CD44: variants seen among roughly 807,000 people sequenced by gnomAD.
The protein encoded by CD44 is CD44 antigen.
CD44 carries 49 observed loss-of-function variants against 88.8 expected under a neutral mutation model. The observed-to-expected ratio is 0.55, with a 90% CI of 0.44 to 0.70. The LOEUF is 0.70. CD44 is among the 30% of genes least tolerant of loss of function. CD44 has a pLI of 0.00. For synonymous variants in CD44, 325 were observed against 312.3 expected (o/e 1.04, Z -0.43); for missense variants, 883 against 913.8 (o/e 0.97, Z 0.43).
chr11:35,209,961 A>G lies in CD44; in HGVS notation c.1517-4A>G, dbSNP rs779254118. 3.8e-6 allele frequency: 6 copies of G among 1,560,796 alleles called. No individual in the cohort carries two copies. The highest frequency in any genetic ancestry group is 3.3e-4 in the Middle Eastern group (2 of 5,980). ...AACACTGGATTCATTCCTCATTGAA[A>G]CAGAGCAGAGTAATTCTCAGAGCTT... is the stretch of plus-strand genomic sequence containing the variant. On this transcript the variant is annotated splice_region_variant and splice_polypyrimidine_tract_variant and intron_variant, in intron 12 of 17. Transcript: ENST00000428726.
intron 17 of CD44, among the ~76,000 whole-genome samples, chr11:35,224,250 T>C (rs1019135598): frequency 6.6e-6 from 1 of 152,208 alleles, no homozygotes. Flanking sequence ...CTATTACTTC[T>C]TTAGGTTTTT....
At chr11:35,219,610 G>A (rs1300225340) in intron 16 of CD44, among the ~76,000 whole-genome samples, 1 of 152,188 alleles carries the variant, frequency 6.6e-6, no homozygotes. Context: ...AACTAGCTGA[G>A]CTCATACTCA....
chr11:35,175,497 A>G lies in CD44; in HGVS notation c.68-1078A>G, dbSNP rs1944357016. 2.6e-5 allele frequency among the ~76,000 whole-genome samples: 4 copies of G among 152,232 alleles called. No individual in the cohort carries two copies. The South Asian group carries it at 8.3e-4, about 32-fold the overall frequency. On this transcript the variant is annotated intron_variant, in intron 1 of 17. Transcript: ENST00000428726. ...GTGTATATAGATACATACTTTATGT[A>G]TATATGCATAAAGTACGTGTGTGCA...
intron 1 of CD44, among the ~76,000 whole-genome samples, chr11:35,165,579 A>G (rs925588552): frequency 6.6e-6 from 1 of 152,178 alleles, no homozygotes; most frequent in African/African-American, 2.4e-5. Context: ...TGGAGCCCCA[A>G]TGTGTCTTAA....
chr11:35,180,995 G>A (rs980483213), intron 3 of CD44, among the ~76,000 whole-genome samples: 2 of 152,198 alleles, frequency 1.3e-5, no homozygotes, highest in Non-Finnish European at 2.9e-5. Flanking sequence ...TGCTCAGAAG[G>A]GAGAATGCCA....
chr11:35,178,787 G>T (rs185958784), intron 2 of CD44, among the ~76,000 whole-genome samples: 1 of 152,252 alleles, frequency 6.6e-6, no homozygotes, highest in East Asian at 1.9e-4. Flanking sequence ...TGGTGGGTAG[G>T]TTCACCAAGA....
At position 35,211,417 on chromosome 11, in the gene CD44, AT is replaced by A; in HGVS notation, c.1780del (p.Ser594ProfsTer49). 6.2e-7 allele frequency: 1 copy of A among 1,613,870 alleles called. No individual in the cohort carries two copies. Among genetic ancestry groups the A allele is most frequent in the Non-Finnish European group, 8.5e-7 (1 of 1,179,824 alleles). On this transcript the variant is annotated frameshift_variant, in exon 14 of 18. Coordinates refer to ENST00000428726, the MANE Select transcript of CD44 (RefSeq NM_000610.4). LOFTEE classifies it high-confidence loss of function. Reference protein sequence around the residue: ...SFGVTAVTVGDSNSNVNRSLS... With the variant: ...SFGVTAVTVGXSNSNVNRSLS... ...GGAGTTACTGCAGTTACTGTTGGAGATTCCAACTCTAATGTCAATCGTTCCT... is the reference window on the plus strand; with the variant it reads ...GGAGTTACTGCAGTTACTGTTGGAGATCCAACTCTAATGTCAATCGTTCCT...
At position 35,180,426 on chromosome 11, in the gene CD44, G is replaced by A. The variant is rs1944878401; in HGVS notation, c.367+19G>A. On this transcript the variant is annotated intron_variant, in intron 3 of 17. Transcript: ENST00000428726. ...GCTTCAGGTTGGTTCTCAGGGGGGT[G>A]TCTGTTGGCGTGAAAGGCTGTGGGA... The A allele has an allele frequency of 6.2e-7, 1 of 1,613,862 alleles. No individual in the cohort carries two copies. The highest frequency in any genetic ancestry group is 8.5e-7 in the Non-Finnish European group (1 of 1,179,836).
rs192077426 is a variant in CD44, at chr11:35,174,529, A to G, written c.68-2046A>G. Among the ~76,000 whole-genome samples, 321 of 152,318 alleles carry G rather than the reference A, an allele frequency of 2.1e-3. 2 individuals are homozygous for G. The highest frequency in any genetic ancestry group is 7.3e-3 in the African/African-American group (304 of 41,566). On this transcript the variant is annotated intron_variant, in intron 1 of 17. Transcript: ENST00000428726. ...TTTCCTCAAGTGTAAACCGGGGGTC[A>G]TATAGTCCCAGGAGTTTTCAATTAC...
intron 4 of CD44, 56 bp from the exon 5 acceptor site, chr11:35,189,779 C>A: frequency 1.7e-6 from 2 of 1,156,784 alleles, no homozygotes; most frequent in Non-Finnish European, 1.3e-6. Flanking sequence ...AAACGCTAAT[C>A]CACATACTCA....
chr11:35,215,480 A>G (rs1409893066), intron 15 of CD44, among the ~76,000 whole-genome samples: 1 of 152,248 alleles, frequency 6.6e-6, no homozygotes, highest in Non-Finnish European at 1.5e-5. Context: ...GGCACATGAT[A>G]TCATCACTGG....
Position 35,205,303 on chromosome 11 carries a change from G to A in CD44, c.1282+663G>A, listed in dbSNP as rs16927093. On this transcript the variant is annotated intron_variant, in intron 10 of 17. Coordinates refer to ENST00000428726, the MANE Select transcript of CD44 (RefSeq NM_000610.4). ...CTGTGTGACATAAGTATTAAAATGT[G>A]TCCTGCCTTATAAAGAATGTGAATT... Among the ~76,000 whole-genome samples the A allele has an allele frequency of 7.5e-3, 1,140 of 152,282 alleles. 18 individuals carry two copies. The highest frequency in any genetic ancestry group is 0.026 in the African/African-American group (1,088 of 41,546).
intron 1 of CD44, among the ~76,000 whole-genome samples, chr11:35,161,345 A>G (rs1260480531): frequency 2.0e-5 from 3 of 152,202 alleles, no homozygotes; most frequent in Non-Finnish European, 4.4e-5. Flanking sequence ...ACATCCCACA[A>G]GAGCTCAAGC....
At chr11:35,146,369 C>G (rs1387623314) in intron 1 of CD44, among the ~76,000 whole-genome samples, 3 of 152,178 alleles carry the variant, frequency 2.0e-5, no homozygotes, top group Non-Finnish European at 4.4e-5. Flanking sequence ...TTGCAAGTCT[C>G]CTTCGCAGTG....
At chr11:35,173,402 T>C (rs980684812) in intron 1 of CD44, among the ~76,000 whole-genome samples, 2 of 152,248 alleles carry the variant, frequency 1.3e-5, no homozygotes, top group African/African-American at 4.8e-5. Context: ...AAACAAATAG[T>C]ATTGCAAAAG....
At chr11:35,190,098 G>A in intron 5 of CD44, 33 bp downstream of exon 5, 1 of 1,567,112 alleles carries the variant, frequency 6.4e-7, no homozygotes, top group Non-Finnish European at 8.8e-7. Flanking sequence ...CTTCCCAATA[G>A]CAATTCCCTG....
chr11:35,182,322 G>A (rs1446839593), intron 3 of CD44, among the ~76,000 whole-genome samples: 1 of 151,958 alleles, frequency 6.6e-6, no homozygotes, highest in Non-Finnish European at 1.5e-5. Flanking sequence ...AAGAAATCTA[G>A]AGTTTAGGAC....
At chr11:35,207,513 A>G (rs1160568770) in intron 11 of CD44, among the ~76,000 whole-genome samples, 1 of 152,240 alleles carries the variant, frequency 6.6e-6, no homozygotes, top group Non-Finnish European at 1.5e-5. Context: ...GTTAAATTTT[A>G]AAGACCGCTT....
Position 35,229,208 on chromosome 11 carries a change from G to C in CD44, c.2104G>C (p.Glu702Gln). Reference sequence around the variant, plus strand: ...CAGAAAGCCAAGTGGACTCAACGGAGAGGCCAGCAAGTCTCAGGAAATGGT... The same window carrying C: ...CAGAAAGCCAAGTGGACTCAACGGACAGGCCAGCAAGTCTCAGGAAATGGT... ...EDRKPSGLNG[E>Q]ASKSQEMVHL... is the part of the protein sequence containing the mutation. Residue 702 changes from glutamate (E) to glutamine (Q), a missense_variant, in exon 18 of 18, where the codon GAG becomes CAG. Glu to Gln is a conservative substitution (Grantham distance 29). Transcript: ENST00000428726. 1 of 1,614,116 alleles carries C rather than the reference G, an allele frequency of 6.2e-7. No homozygotes were observed. Among genetic ancestry groups the C allele is most frequent in the Non-Finnish European group, 8.5e-7 (1 of 1,179,972 alleles).
Sources: allele counts gnomAD v4.1 joint callset (sites outside exome capture counted in the v4.1 genomes callset), GRCh38; gene constraint gnomAD v4.1.1; transcripts MANE v1.5; gene names NCBI Gene and HGNC (gene_info 2026-07-23, HGNC 2026-07-21).